TMEM131: variants seen among roughly 807,000 people sequenced by gnomAD.
TMEM131 encodes 2610524E03Rik.
A neutral mutation model predicts 211.6 loss-of-function variants in TMEM131; 66 were observed. The ratio of observed to expected loss-of-function variants is 0.31; its 90% CI spans 0.26 to 0.38. The LOEUF is 0.38. TMEM131 is among the 10% of genes least tolerant of loss of function. TMEM131 has a pLI of 1.00. For missense variants in TMEM131, 2,036 were observed against 2,299.3 expected (o/e 0.89, Z 2.34); for synonymous variants, 844 against 841.3 (o/e 1.00, Z -0.06).
chr2:97,945,588 T>C (rs1042057977), intron 1 of TMEM131, among the ~76,000 whole-genome samples: 1 of 152,176 alleles, frequency 6.6e-6, no homozygotes, highest in African/African-American at 2.4e-5. Context: ...AAATGTAATC[T>C]CTGCTCAAGA....
intron 2 of TMEM131, among the ~76,000 whole-genome samples, chr2:97,921,672 G>A (rs1007668601): frequency 2.0e-5 from 3 of 152,136 alleles, no homozygotes; most frequent in African/African-American, 7.2e-5. Flanking sequence ...GAAAGATCTT[G>A]TATTCAGAAC....
At chr2:97,967,377 T>C (rs912263118) in intron 1 of TMEM131, among the ~76,000 whole-genome samples, 3 of 152,138 alleles carry the variant, frequency 2.0e-5, no homozygotes, top group Non-Finnish European at 2.9e-5. Flanking sequence ...ACTGGTTGCA[T>C]GAAAGATGCA....
chr2:97,922,984 T>C (rs1435845884), intron 2 of TMEM131, among the ~76,000 whole-genome samples: 2 of 152,234 alleles, frequency 1.3e-5, no homozygotes, highest in African/African-American at 4.8e-5. Context: ...GTGGTTAGAA[T>C]TCCATTTATA....
At chr2:97,951,194 T>A (rs564738933) in intron 1 of TMEM131, among the ~76,000 whole-genome samples, 1 of 152,088 alleles carries the variant, frequency 6.6e-6, no homozygotes, top group Non-Finnish European at 1.5e-5. Context: ...TAGAAAAACA[T>A]GGAGTCAGTT....
chr2:97,815,856 T>G (rs1213283535), intron 12 of TMEM131, among the ~76,000 whole-genome samples: 1 of 152,198 alleles, frequency 6.6e-6, no homozygotes, highest in African/African-American at 2.4e-5. Flanking sequence ...ATAACATTTC[T>G]TGTATGGCCA....
chr2:97,976,313 C>T (rs995416874), intron 1 of TMEM131, among the ~76,000 whole-genome samples: 2 of 152,076 alleles, frequency 1.3e-5, no homozygotes, highest in African/African-American at 4.8e-5. Context: ...GCTATTAGAA[C>T]TATTAAGTCA....
chr2:97,859,655 A>T (rs1673984934), intron 4 of TMEM131, among the ~76,000 whole-genome samples: 1 of 152,214 alleles, frequency 6.6e-6, no homozygotes, highest in African/African-American at 2.4e-5. Flanking sequence ...GATACAGTGA[A>T]GCAAGTTTCA....
chr2:97,768,747 T>C (rs1679313115), intron 33 of TMEM131, among the ~76,000 whole-genome samples: 1 of 150,332 alleles, frequency 6.7e-6, no homozygotes, highest in Non-Finnish European at 1.5e-5. Flanking sequence ...TGTGCCACCA[T>C]GCTTGGTTAA....
chr2:97,873,968 A>G (rs982683282), intron 4 of TMEM131, among the ~76,000 whole-genome samples: 1 of 152,212 alleles, frequency 6.6e-6, no homozygotes, highest in Non-Finnish European at 1.5e-5. Context: ...GAAGCCAAGA[A>G]CTTTGAAAAA....
intron 1 of TMEM131, among the ~76,000 whole-genome samples, chr2:97,971,361 T>C (rs151080562): frequency 7.1e-4 from 108 of 152,008 alleles, no homozygotes; most frequent in Non-Finnish European, 1.3e-3. Context: ...CTGTGATAAG[T>C]GGAGGAAGGG....
At chr2:97,942,477 TA>T (rs34873706) in intron 1 of TMEM131, among the ~76,000 whole-genome samples, 105,438 of 144,960 alleles carry the variant, frequency 0.73, 39,308 homozygotes, top group African/African-American at 0.78. Context: ...AAGTATAATT[TA>T]AAAAAAAAAA....
intron 40 of TMEM131, among the ~76,000 whole-genome samples, chr2:97,757,804 C>T (rs551648347): frequency 3.3e-5 from 5 of 152,370 alleles, no homozygotes; most frequent in Admixed American, 2.6e-4. Context: ...GGCCTGTGCA[C>T]TGCAATGGCA....
At chr2:97,759,374 C>G in intron 39 of TMEM131, 1 of 525,902 alleles carries the variant, frequency 1.9e-6, no homozygotes, top group Non-Finnish European at 3.4e-6. Context: ...TCAGGGGTCC[C>G]ATTTCAGACC....
At chr2:97,896,553 G>A (rs530717203) in intron 3 of TMEM131, among the ~76,000 whole-genome samples, 1 of 152,240 alleles carries the variant, frequency 6.6e-6, no homozygotes, top group East Asian at 1.9e-4. Context: ...CCTGTATTGG[G>A]TGCATATATA....
At chr2:97,807,597 T>A (rs910959482) in intron 19 of TMEM131, among the ~76,000 whole-genome samples, 20 of 152,314 alleles carry the variant, frequency 1.3e-4, no homozygotes, top group South Asian at 1.2e-3. Flanking sequence ...ACCTCTTTTT[T>A]AAAAATAAAT....
chr2:97,832,494 C>T (rs1171399629), intron 11 of TMEM131, among the ~76,000 whole-genome samples: 1 of 152,176 alleles, frequency 6.6e-6, no homozygotes, highest in Non-Finnish European at 1.5e-5. Context: ...CCATCTCTTG[C>T]TTCCTCGCTG....
intron 7 of TMEM131, 150 bp from the exon 8 acceptor site, chr2:97,837,307 T>A: frequency 1.8e-6 from 1 of 556,498 alleles, no homozygotes; most frequent in Non-Finnish European, 3.2e-6. Context: ...TATCACTAAA[T>A]TCAGTGCTCT....
chr2:97,885,382 G>C (rs946136884), intron 4 of TMEM131, among the ~76,000 whole-genome samples: 1 of 151,552 alleles, frequency 6.6e-6, no homozygotes, highest in Non-Finnish European at 1.5e-5. Flanking sequence ...TTTTAGTAGA[G>C]ACGGGGTTTC....
At chr2:97,830,132 TAAAAA>T (rs60531384) in intron 11 of TMEM131, among the ~76,000 whole-genome samples, 6 of 72,320 alleles carry the variant, frequency 8.3e-5, no homozygotes, top group African/African-American at 2.8e-4. Flanking sequence ...CATTATCAGT[TAAAAA>T]AAAAAAAAAA....
Sources: allele counts gnomAD v4.1 joint callset (sites outside exome capture counted in the v4.1 genomes callset), GRCh38; gene constraint gnomAD v4.1.1; transcripts MANE v1.5; gene names NCBI Gene and HGNC (gene_info 2026-07-23, HGNC 2026-07-21).